The following DST variants were observed in gnomAD, a reference collection of about 807,000 sequenced individuals.
The protein encoded by DST is dystonin, also known as bullous pemphigoid antigen.
A neutral mutation model predicts 875.2 loss-of-function variants in DST; 253 were observed. The ratio of observed to expected loss-of-function variants is 0.29; its 90% CI spans 0.26 to 0.32. The LOEUF is 0.32. Ranked by LOEUF, DST falls within the 10% of genes least tolerant of loss-of-function variation. The pLI is 1.00. For synonymous variants in DST, 3,124 were observed against 3,197.1 expected (o/e 0.98, Z 0.77); for missense variants, 8,287 against 9,111.6 (o/e 0.91, Z 3.68).
chr6:56,726,945 G>A (rs994721928), intron 5 of DST, among the ~76,000 whole-genome samples: 3 of 152,138 alleles, frequency 2.0e-5, no homozygotes, highest in Non-Finnish European at 2.9e-5. Context: ...TTTGAGTCTA[G>A]TTTTGAATAA....
intron 90 of DST, among the ~76,000 whole-genome samples, chr6:56,477,973 TA>T (rs2095266244): frequency 6.6e-6 from 1 of 152,240 alleles, no homozygotes; most frequent in Non-Finnish European, 1.5e-5. Flanking sequence ...TATTTTTGAA[TA>T]TTTTTAACCA....
At position 56,752,084 on chromosome 6, in the gene DST, C is replaced by CT. The variant is rs567889474; in HGVS notation, c.626-16796dup. 6.8e-3 allele frequency among the ~76,000 whole-genome samples: 979 copies of CT among 143,632 alleles called. 7 individuals are homozygous for CT. The highest frequency in any genetic ancestry group is 0.019 in the African/African-American group (743 of 39,392). The allele number at this position is 143,632 out of a possible 152,430, so 94.2% of individuals were successfully genotyped here. A position where few individuals can be genotyped will look rare whatever the true frequency, so the allele number is the denominator to read the frequency against. On this transcript the variant is annotated intron_variant, in intron 4 of 103. Transcript: ENST00000680361. The stretch of plus-strand genomic sequence containing the variant: ...GGGTCTCCAGTATTTCCAAACTATT[C>CT]TTTTTTTTTTTTAATGGGCCAGGCT...
At chr6:56,694,783 G>A (rs925867640) in intron 9 of DST, among the ~76,000 whole-genome samples, 6 of 152,094 alleles carry the variant, frequency 3.9e-5, no homozygotes, top group African/African-American at 1.4e-4. Context: ...GCTCCCTCAT[G>A]AACGGCTTTC....
At chr6:56,849,134 A>ATTTTTTT (rs755617631) in intron 4 of DST, among the ~76,000 whole-genome samples, 5 of 114,964 alleles carry the variant, frequency 4.3e-5, no homozygotes, top group African/African-American at 7.3e-5. Flanking sequence ...AATTCATGCA[A>ATTTTTTT]TTTTTTTTTT....
rs1335088794 is a variant in DST, at chr6:56,636,605, G to T, written c.3012C>A (p.Leu1004=). 2 of 1,613,562 alleles carry T rather than the reference G, an allele frequency of 1.2e-6. No individual in the cohort carries two copies. Residue 1004 remains leucine (L), a synonymous_variant, in exon 23 of 104, where the codon CTC becomes CTA. Transcript: ENST00000680361. ...TTATGTGCTGCTCCACACACTGGCA[G>T]AGCTGTAAGATCCAGCTCCACTGCG... ...MQTQWSWILQ[L]CQCVEQHIKE... is the part of the protein sequence containing the mutation.
In DST at chr6:56,521,601, GAAAAAAAAAAAA is replaced by G. The variant is rs10547460; in HGVS notation, c.18130-3993_18130-3982del. 3.3e-5 allele frequency among the ~76,000 whole-genome samples: 3 copies of G among 92,050 alleles called. No individual in the cohort carries two copies. The South Asian group carries it at 1.2e-3, about 38-fold the overall frequency. 60.4% of individuals were successfully genotyped at this position (92,050 alleles called of 152,430 possible). ...CAAGTCAAACATTTGCTCTGCTAAGGAAAAAAAAAAAAAAAAAAAAAAAAGACTTCAAACAGA... is the reference window on the plus strand; with the variant it reads ...CAAGTCAAACATTTGCTCTGCTAAGGAAAAAAAAAAAAGACTTCAAACAGA... On this transcript the variant is annotated intron_variant, in intron 69 of 103. Coordinates refer to ENST00000680361, the MANE Select transcript of DST (RefSeq NM_001374736.1).
intron 3 of DST, among the ~76,000 whole-genome samples, chr6:56,876,998 T>C (rs1450653286): frequency 6.6e-6 from 1 of 152,240 alleles, no homozygotes; most frequent in Non-Finnish European, 1.5e-5. Flanking sequence ...CTGTATCTCC[T>C]AGTCATTTTT....
chr6:56,824,744 G>T (rs2099777633), intron 4 of DST, among the ~76,000 whole-genome samples: 1 of 151,798 alleles, frequency 6.6e-6, no homozygotes, highest in African/African-American at 2.4e-5. Flanking sequence ...CACCCCGTCT[G>T]AGAAGTGAGG....
chr6:56,913,314 A>G (rs1324421290), intron 2 of DST, among the ~76,000 whole-genome samples: 2 of 152,224 alleles, frequency 1.3e-5, no homozygotes, highest in Non-Finnish European at 2.9e-5. Flanking sequence ...CCCATTTTAC[A>G]GATAAGGAAA....
chr6:56,637,838 C>A (rs1390127437), intron 22 of DST, among the ~76,000 whole-genome samples: 4 of 151,890 alleles, frequency 2.6e-5, no homozygotes, highest in Non-Finnish European at 5.9e-5. Flanking sequence ...AAGTTCATTC[C>A]TGCTGAGCTA....
chr6:56,843,064 T>C, intron 4 of DST: 3 of 1,523,156 alleles, frequency 2.0e-6, no homozygotes, highest in Non-Finnish European at 2.7e-6. Flanking sequence ...CCTTTGTACC[T>C]CTCCAGGACA....
chr6:56,615,459 A>G (rs2098604448), intron 36 of DST: 2 of 1,611,312 alleles, frequency 1.2e-6, no homozygotes, highest in African/African-American at 1.3e-5. Flanking sequence ...TCATACTCTG[A>G]AAAAGTGGCA....
Position 56,477,369 on chromosome 6 carries a change from T to A in DST, c.21651A>T (p.Thr7217=). Residue 7217 remains threonine, a synonymous_variant, in exon 91 of 104, where the codon ACA becomes ACT. Transcript: ENST00000680361. ...CCTCCTCAAACCTCGCCCGGATGAT[T>A]GTTATCCAGTGCTTAATGGTAGTGA... ...DSITTIKHWI[T]IIRARFEEVL... is the part of the protein sequence containing the mutation. The A allele has an allele frequency of 2.5e-6, 4 of 1,613,976 alleles. No individual in the cohort carries two copies. In the East Asian group the frequency reaches 8.9e-5, roughly 36 times the overall value.
At chr6:56,934,654 G>A (rs1450008781) in intron 2 of DST, among the ~76,000 whole-genome samples, 7 of 142,168 alleles carry the variant, frequency 4.9e-5, no homozygotes, top group African/African-American at 1.6e-4. Flanking sequence ...GAGAATTAAG[G>A]CACACTAATG....
At chr6:56,532,582 G>A in intron 63 of DST, 72 bp from the exon 64 acceptor site, 3 of 1,382,374 alleles carry the variant, frequency 2.2e-6, no homozygotes, top group Non-Finnish European at 2.9e-6. Context: ...TGTATTCTAA[G>A]TACATTTGAA....
At chr6:56,927,773 A>C (rs868813877) in intron 2 of DST, among the ~76,000 whole-genome samples, 1 of 152,234 alleles carries the variant, frequency 6.6e-6, no homozygotes, top group South Asian at 2.1e-4. Flanking sequence ...TTTCAGGAAA[A>C]CAGAAAGCAC....
chr6:56,892,257 T>C (rs2127664508), intron 3 of DST, among the ~76,000 whole-genome samples: 1 of 152,134 alleles, frequency 6.6e-6, no homozygotes, highest in African/African-American at 2.4e-5. Context: ...ATCCAGTCAG[T>C]TCTCAGCACT....
chr6:56,798,029 G>A (rs541450699), intron 4 of DST, among the ~76,000 whole-genome samples: 227 of 152,246 alleles, frequency 1.5e-3, no homozygotes, highest in Non-Finnish European at 2.4e-3. Flanking sequence ...CAGTAGGTTC[G>A]TAAGATTTAA....
At chr6:56,824,904 G>A (rs1369828448) in intron 4 of DST, among the ~76,000 whole-genome samples, 5 of 150,014 alleles carry the variant, frequency 3.3e-5, no homozygotes, top group African/African-American at 1.2e-4. Flanking sequence ...CCGGCCAGCC[G>A]CCCCGTCCGG....
Sources: gnomAD v4.1 joint callset for allele counts (sites outside exome capture counted in the v4.1 genomes callset) on GRCh38, gnomAD v4.1.1 for gene constraint, MANE v1.5 for transcripts, NCBI Gene and HGNC (gene_info 2026-07-23, HGNC 2026-07-21) for gene names.